The following CERS3 variants were observed in gnomAD, a reference collection of about 807,000 sequenced individuals.
The protein encoded by CERS3 is LAG1 homolog, ceramide synthase 3.
Under a neutral mutation model 50.3 loss-of-function variants are expected in CERS3, and 33 were observed. The ratio of observed to expected loss-of-function variants is 0.66; its 90% CI spans 0.50 to 0.88. CERS3 has a LOEUF of 0.88. CERS3 is among the 40% of genes least tolerant of loss of function. The pLI is 0.00. For synonymous variants in CERS3, 176 were observed against 155.2 expected, an observed-to-expected ratio of 1.13 and a Z score of -0.99; for missense variants, 470 against 460.3, an observed-to-expected ratio of 1.02 and a Z score of -0.19.
chr15:100,517,673 A>G (rs2036528816), intron 2 of CERS3, among the ~76,000 whole-genome samples: 1 of 152,166 alleles, frequency 6.6e-6, no homozygotes, highest in South Asian at 2.1e-4. Flanking sequence ...ATATTTTAAA[A>G]TGTGTTTCTT....
At chr15:100,443,987 T>C (rs1462220952) in intron 11 of CERS3, among the ~76,000 whole-genome samples, 3 of 152,110 alleles carry the variant, frequency 2.0e-5, no homozygotes, top group Non-Finnish European at 4.4e-5. Context: ...ACTGCCCCCA[T>C]TCTAGCTCTC....
chr15:100,469,625 G>C, intron 9 of CERS3, 141 bp from the exon 10 acceptor site: 1 of 610,822 alleles, frequency 1.6e-6, no homozygotes, highest in Non-Finnish European at 2.9e-6. Context: ...TGGGGCAATA[G>C]ATAAAACAAG....
intron 11 of CERS3, among the ~76,000 whole-genome samples, chr15:100,453,040 A>ATC (rs2034230261): frequency 1.3e-5 from 2 of 152,252 alleles, no homozygotes; most frequent in South Asian, 4.1e-4. Flanking sequence ...AGGTCCAGAT[A>ATC]GCTGTATTGC....
At chr15:100,474,109 G>A (rs554783570) in intron 8 of CERS3, among the ~76,000 whole-genome samples, 4 of 128,868 alleles carry the variant, frequency 3.1e-5, no homozygotes, top group Non-Finnish European at 6.6e-5. Flanking sequence ...GGAGATTTAT[G>A]GTTGCCAGGG....
chr15:100,433,413 G>C (rs1470867137), intron 11 of CERS3, among the ~76,000 whole-genome samples: 1 of 151,994 alleles, frequency 6.6e-6, no homozygotes, highest in East Asian at 1.9e-4. Context: ...CTAGGAAACA[G>C]AACACTGTTC....
At chr15:100,404,583 C>T (rs1044418575) in intron 11 of CERS3, among the ~76,000 whole-genome samples, 67 of 152,280 alleles carry the variant, frequency 4.4e-4, no homozygotes, top group African/African-American at 1.6e-3. Flanking sequence ...CAATACTAAT[C>T]AATGTCCCAG....
rs558734710 is a variant in CERS3 at position 100,441,430 on chromosome 15, C to T, written c.999+14463G>A. On this transcript the variant is annotated intron_variant, in intron 11 of 11. Coordinates refer to ENST00000679737, the MANE Select transcript of CERS3 (RefSeq NM_001378789.1). ...TCTGTGCCCCAACCCCTTACTTCCA[C>T]GCCCCAACCCCTTTCTCGCTTTTCT... Among the ~76,000 whole-genome samples the T allele has an allele frequency of 2.3e-3, 341 of 151,408 alleles. 2 individuals carry two copies. Among genetic ancestry groups the T allele is most frequent in the African/African-American group, 7.5e-3 (308 of 41,226 alleles).
At chr15:100,412,975 G>C (rs1183354001) in intron 11 of CERS3, among the ~76,000 whole-genome samples, 1 of 152,134 alleles carries the variant, frequency 6.6e-6, no homozygotes, top group Non-Finnish European at 1.5e-5. Context: ...AGTGGCAGCA[G>C]AGCCCAGATT....
At chr15:100,530,554 A>G (rs976037953), upstream of CERS3, among the ~76,000 whole-genome samples, 2 of 152,104 alleles carry the variant, frequency 1.3e-5, no homozygotes, top group African/African-American at 2.4e-5. Context: ...CTACTACTCT[A>G]TCACAACTTA....
At chr15:100,430,761 C>T (rs557352912) in intron 11 of CERS3, among the ~76,000 whole-genome samples, 2 of 152,286 alleles carry the variant, frequency 1.3e-5, no homozygotes, top group East Asian at 3.9e-4. Flanking sequence ...TAGCAAAGTA[C>T]ATTCCTTTTT....
At chr15:100,464,966 C>G (rs1193085579) in intron 10 of CERS3, among the ~76,000 whole-genome samples, 1 of 152,006 alleles carries the variant, frequency 6.6e-6, no homozygotes, top group South Asian at 2.1e-4. Flanking sequence ...AAGGGAGACT[C>G]GTTAGGAGAG....
At chr15:100,454,886 AC>A (rs879910737) in intron 11 of CERS3, among the ~76,000 whole-genome samples, 1 of 152,214 alleles carries the variant, frequency 6.6e-6, no homozygotes, top group South Asian at 2.1e-4. Context: ...AACAACAACA[AC>A]AAATAATAAT....
At chr15:100,520,317 T>C (rs928846114) in intron 2 of CERS3, among the ~76,000 whole-genome samples, 52 of 152,164 alleles carry the variant, frequency 3.4e-4, no homozygotes, top group African/African-American at 1.2e-3. Context: ...ATTTGTATTC[T>C]TGCCCTGTGT....
chr15:100,435,771 T>C (rs575090492), intron 11 of CERS3, among the ~76,000 whole-genome samples: 2 of 152,046 alleles, frequency 1.3e-5, no homozygotes, highest in South Asian at 4.1e-4. Flanking sequence ...TTAAACAAAT[T>C]TACAAGAAAA....
chr15:100,441,886 G>A (rs185353527), intron 11 of CERS3, among the ~76,000 whole-genome samples: 2,510 of 151,544 alleles, frequency 0.017, 29 homozygotes, highest in Admixed American at 0.027. Flanking sequence ...AACCCCAAGC[G>A]TCGCTGAGTC....
intron 11 of CERS3, among the ~76,000 whole-genome samples, chr15:100,404,123 A>G (rs555758773): frequency 1.1e-4 from 17 of 152,348 alleles, no homozygotes; most frequent in African/African-American, 3.4e-4. Flanking sequence ...AGAAGCTAGA[A>G]GCAGCAAAGA....
chr15:100,437,026 C>G (rs149901054), intron 11 of CERS3, among the ~76,000 whole-genome samples: 5,023 of 151,012 alleles, frequency 0.033, 300 homozygotes, highest in African/African-American at 0.12. Context: ...TCACTGCAAG[C>G]TCCGCCTCCT....
intron 5 of CERS3, among the ~76,000 whole-genome samples, chr15:100,480,992 G>A (rs1460478867): frequency 6.6e-6 from 1 of 152,082 alleles, no homozygotes; most frequent in Non-Finnish European, 1.5e-5. Context: ...CAAATAAAAA[G>A]TTTTTTAAAG....
chr15:100,543,494 C>T (rs1441699137), intron 1 of CERS3, among the ~76,000 whole-genome samples: 1 of 146,896 alleles, frequency 6.8e-6, no homozygotes, highest in Non-Finnish European at 1.5e-5. Flanking sequence ...TTCCTTCCTT[C>T]CTTCCTTCCC....
Sources: gnomAD v4.1 joint callset for allele counts (sites outside exome capture counted in the v4.1 genomes callset) on GRCh38, gnomAD v4.1.1 for gene constraint, MANE v1.5 for transcripts, NCBI Gene and HGNC (gene_info 2026-07-23, HGNC 2026-07-21) for gene names.